REXO5: variants seen among roughly 807,000 people sequenced by gnomAD.
The protein encoded by REXO5 is RNA exonuclease 5, also known as exonuclease NEF-sp.
A neutral mutation model predicts 88.5 loss-of-function variants in REXO5; 48 were observed. The observed-to-expected ratio is 0.54, with a 90% CI of 0.43 to 0.69. The LOEUF (loss-of-function observed/expected upper bound fraction) is 0.69, where lower values mean the gene tolerates loss of function less well. REXO5 is among the 30% of genes least tolerant of loss of function. The probability of loss-of-function intolerance (pLI) is 0.00; values close to 1 mark genes in which losing one functional copy is unlikely to be tolerated. For missense variants in REXO5, 749 were observed against 912.2 expected (o/e 0.82, Z 2.30); for synonymous variants, 311 against 336.5 (o/e 0.92, Z 0.83).
In REXO5 at chr16:20,826,018, C is replaced by G. The variant is rs568699288; in HGVS notation, c.821+70C>G. 4.2e-6 allele frequency: 4 copies of G among 954,590 alleles called. No homozygotes were observed. In the Admixed American group the frequency reaches 8.7e-5, roughly 21 times the overall value. The allele number at this position is 954,590 out of a possible 1,614,324, so 59.1% of individuals were successfully genotyped here. A position where few individuals can be genotyped will look rare whatever the true frequency, so the allele number is the denominator to read the frequency against. On this transcript the variant is annotated intron_variant, in intron 8 of 19. Transcript: ENST00000261377. ...AGAATGGAATAATACTTAAGAATGG[C>G]CCACAGCTTCAGTTTAGTTAGGTTT... is the stretch of plus-strand genomic sequence containing the variant.
At chr16:20,826,583 G>A (rs2081263700) in intron 8 of REXO5, among the ~76,000 whole-genome samples, 2 of 152,204 alleles carry the variant, frequency 1.3e-5, no homozygotes, top group South Asian at 2.1e-4. Context: ...ACAGTCACGT[G>A]TGGCAAAGTT....
intron 15 of REXO5, among the ~76,000 whole-genome samples, chr16:20,841,618 ATTTTAT>A (rs2081529171): frequency 6.6e-6 from 1 of 152,026 alleles, no homozygotes; most frequent in Non-Finnish European, 1.5e-5. Flanking sequence ...TTTAATTTTT[ATTTTAT>A]TTTTATTTTT....
At chr16:20,846,444 C>T (rs1049469055) in intron 19 of REXO5, 105 bp downstream of exon 19, 8 of 728,912 alleles carry the variant, frequency 1.1e-5, no homozygotes, top group Non-Finnish European at 1.2e-5. Context: ...TGAGGACTTA[C>T]ATGAATCATC....
rs1428123467 is a variant in REXO5 at position 20,806,567 on chromosome 16, C to A, written c.-141C>A. On this transcript the variant is annotated 5_prime_UTR_variant, in exon 1 of 20. Coordinates refer to ENST00000261377, the MANE Select transcript of REXO5 (RefSeq NM_030941.3). ...GGCTAAGGAGGGGAGAACCTCTGCT[C>A]CCCGCCCGTCTTCTCTTCTGCGTTT... The A allele has an allele frequency of 1.4e-6, 2 of 1,477,182 alleles. No individual in the cohort carries two copies. Among genetic ancestry groups the A allele is most frequent in the East Asian group, 2.5e-5 (1 of 39,288 alleles). The allele number at this position is 1,477,182 out of a possible 1,614,324, so 91.5% of individuals were successfully genotyped here.
chr16:20,832,165 C>T lies in REXO5; in HGVS notation c.1168C>T (p.Leu390=). 1 of 1,604,762 alleles carries T rather than the reference C, an allele frequency of 6.2e-7. No individual in the cohort carries two copies. The highest frequency in any genetic ancestry group is 2.3e-5 in the East Asian group (1 of 44,412). The change falls in exon 12 of 20, where the codon CTA becomes TTA. Residue 390 remains leucine, a synonymous_variant. Transcript: ENST00000261377. ...CTTTGTTTTCTTCAAGATTGCAGAA[C>T]TAAATCTAGAAGCACTAGCTAATCA... The part of the protein sequence containing the change: ...LKHGPKKIAE[L]NLEALANHQE...
At chr16:20,848,024 T>G (rs2081636900) in intron 19 of REXO5, among the ~76,000 whole-genome samples, 1 of 152,176 alleles carries the variant, frequency 6.6e-6, no homozygotes, top group Admixed American at 6.5e-5. Context: ...GTCAGTAGAA[T>G]TAAGCACCCC....
intron 4 of REXO5, 67 bp downstream of exon 4, chr16:20,815,120 C>T: frequency 6.6e-7 from 1 of 1,525,898 alleles, no homozygotes; most frequent in Non-Finnish European, 8.8e-7. Flanking sequence ...ATACATGTGT[C>T]AGGGACCATG....
At chr16:20,810,098 A>G (rs575418366) in intron 2 of REXO5, among the ~76,000 whole-genome samples, 146 of 152,284 alleles carry the variant, frequency 9.6e-4, no homozygotes, top group Non-Finnish European at 1.6e-3. Flanking sequence ...CCAGGCTCAT[A>G]TGTGCTTTCC....
At chr16:20,847,483 G>T (rs2081627102) in intron 19 of REXO5, among the ~76,000 whole-genome samples, 1 of 150,930 alleles carries the variant, frequency 6.6e-6, no homozygotes, top group Non-Finnish European at 1.5e-5. Flanking sequence ...AGTTGACAGA[G>T]CATGAATACC....
chr16:20,807,363 G>A (rs926281614), intron 2 of REXO5: 1 of 422,866 alleles, frequency 2.4e-6, no homozygotes, highest in African/African-American at 2.0e-5. Flanking sequence ...CGGATCACGA[G>A]GTCAGGAGTT....
In REXO5 at chr16:20,839,752, C is replaced by G. The variant is rs112159534; in HGVS notation, c.1384-3C>G. 1 of 1,610,200 alleles carries G rather than the reference C, an allele frequency of 6.2e-7. No individual in the cohort carries two copies. The highest frequency in any genetic ancestry group is 8.5e-7 in the Non-Finnish European group (1 of 1,176,898). On this transcript the variant is annotated splice_region_variant and splice_polypyrimidine_tract_variant and intron_variant, in intron 13 of 19. Coordinates refer to ENST00000261377, the MANE Select transcript of REXO5 (RefSeq NM_030941.3). ...CTTATCCAGGCTGTGCTGTTCTCTA[C>G]AGGTTCTTGAGCAGGCCAGAGTGGA...
At chr16:20,842,559 C>T (rs1596612451) in intron 15 of REXO5, among the ~76,000 whole-genome samples, 3 of 151,152 alleles carry the variant, frequency 2.0e-5, no homozygotes, top group Admixed American at 2.0e-4. Flanking sequence ...ACTACAGCCT[C>T]AACCTCCTGG....
At chr16:20,847,981 T>C (rs1442325257) in intron 19 of REXO5, among the ~76,000 whole-genome samples, 1 of 152,166 alleles carries the variant, frequency 6.6e-6, no homozygotes, top group Non-Finnish European at 1.5e-5. Context: ...AACACTTAAG[T>C]TGTGACTGAG....
chr16:20,813,344 C>CTTTTTTCTTTT, intron 3 of REXO5, 42 bp downstream of exon 3: 2 of 643,320 alleles, frequency 3.1e-6, no homozygotes, highest in Admixed American at 3.3e-5. Context: ...CCAGCGGTTT[C>CTTTTTTCTTTT]TTTTTTTTTT....
At chr16:20,823,436 A>G (rs1165480464) in intron 6 of REXO5, 1 of 152,128 alleles carries the variant, frequency 6.6e-6, no homozygotes, top group Non-Finnish European at 1.5e-5. Context: ...ATTTTAACAT[A>G]TTTATAACCA....
chr16:20,841,109 A>G (rs1318329321), intron 15 of REXO5, among the ~76,000 whole-genome samples: 5 of 152,138 alleles, frequency 3.3e-5, no homozygotes, highest in African/African-American at 1.2e-4. Flanking sequence ...CTCTTAGGGT[A>G]AGTTTTTGGT....
In REXO5 at chr16:20,844,011, T is replaced by C. The variant is rs374287075; in HGVS notation, c.1704T>C (p.Asp568=). ...AIESLDGILV[D]GICIKVQRPV... is the part of the protein sequence containing the mutation. ...AATCCTTGGATGGTATTCTGGTAGA[T>C]GGTATCTGCATCAAGGTAGGGTGAC... The change falls in exon 16 of 20, where the codon GAT becomes GAC. Residue 568 remains aspartate (D), a synonymous_variant. Transcript: ENST00000261377. The C allele has an allele frequency of 2.5e-6, 4 of 1,596,150 alleles. No homozygotes were observed. The highest frequency in any genetic ancestry group is 1.1e-5 in the South Asian group (1 of 90,682).
intron 19 of REXO5, among the ~76,000 whole-genome samples, chr16:20,846,877 C>T (rs1332971183): frequency 6.6e-6 from 1 of 152,144 alleles, no homozygotes; most frequent in Non-Finnish European, 1.5e-5. Flanking sequence ...TCTCAATGTC[C>T]TTTTAGTAAC....
rs1423471660 is a variant in REXO5, at chr16:20,821,795, A to G, written c.509A>G (p.Asn170Ser). 23 of 1,598,938 alleles carry G rather than the reference A, an allele frequency of 1.4e-5. No homozygotes were observed. The highest frequency in any genetic ancestry group is 5.5e-5 in the Admixed American group (3 of 55,036). ...PLPSNAKAAINLQDDPIIQKY... is the reference protein window; with the variant it reads ...PLPSNAKAAISLQDDPIIQKY... ...CCTTCTAATGCAAAAGCCGCCATCA[A>G]CCTTCAGGATGATCCCATCATTCAA... Residue 170 changes from asparagine (N) to serine (S), a missense_variant, in exon 6 of 20, where the codon AAC becomes AGC. Coordinates refer to ENST00000261377, the MANE Select transcript of REXO5 (RefSeq NM_030941.3).
Sources: gnomAD v4.1 joint callset for allele counts (sites outside exome capture counted in the v4.1 genomes callset) on GRCh38, gnomAD v4.1.1 for gene constraint, MANE v1.5 for transcripts, NCBI Gene and HGNC (gene_info 2026-07-23, HGNC 2026-07-21) for gene names.